The following PIBF1 variants were observed in gnomAD, a reference collection of about 807,000 sequenced individuals.
The protein encoded by PIBF1 is progesterone immunomodulatory binding factor 1, also known as progesterone-induced-blocking factor 1.
A neutral mutation model predicts 112.5 loss-of-function variants in PIBF1; 90 were observed. That is an observed-to-expected ratio of 0.80 (90% confidence interval 0.67 to 0.95). PIBF1 has a LOEUF of 0.95. Among genes scored for constraint, PIBF1 ranks in the 40% least tolerant of loss-of-function variants. The pLI is 0.00. For synonymous variants in PIBF1, 301 were observed against 288.6 expected, an observed-to-expected ratio of 1.04 and a Z score of -0.44; for missense variants, 915 against 852.3, an observed-to-expected ratio of 1.07 and a Z score of -0.92.
At chr13:72,887,906 A>C (rs2039918770) in intron 10 of PIBF1, among the ~76,000 whole-genome samples, 2 of 152,162 alleles carry the variant, frequency 1.3e-5, no homozygotes, top group South Asian at 4.1e-4. Flanking sequence ...ACACATCAGA[A>C]TATATGGACA....
intron 5 of PIBF1, among the ~76,000 whole-genome samples, chr13:72,808,245 A>T (rs937449582): frequency 6.6e-6 from 1 of 152,056 alleles, no homozygotes; most frequent in African/African-American, 2.4e-5. Context: ...CTATTTGTTT[A>T]CTTATTATGA....
chr13:72,787,814 A>ATGT (rs2034683512), intron 2 of PIBF1, among the ~76,000 whole-genome samples: 1 of 152,148 alleles, frequency 6.6e-6, no homozygotes, highest in East Asian at 1.9e-4. Context: ...CCGTGCCACA[A>ATGT]CGCCCAGCTA....
intron 14 of PIBF1, among the ~76,000 whole-genome samples, chr13:72,931,562 C>T (rs2041697239): frequency 6.6e-6 from 1 of 151,762 alleles, no homozygotes; most frequent in Admixed American, 6.6e-5. Context: ...ACTTTGGTGA[C>T]ATTTTAAGTT....
At chr13:72,885,334 A>C (rs897113423) in intron 10 of PIBF1, among the ~76,000 whole-genome samples, 2 of 152,008 alleles carry the variant, frequency 1.3e-5, no homozygotes, top group African/African-American at 2.4e-5. Context: ...ATCTTAATTC[A>C]CTGGTTTTTT....
intron 10 of PIBF1, among the ~76,000 whole-genome samples, chr13:72,873,264 A>G (rs902852611): frequency 2.6e-5 from 4 of 152,238 alleles, no homozygotes; most frequent in African/African-American, 9.6e-5. Flanking sequence ...TACTTCATAC[A>G]TACAAAAATT....
intron 15 of PIBF1, 105 bp downstream of exon 15, chr13:72,965,509 T>G (rs2042717969): frequency 3.5e-6 from 3 of 854,014 alleles, no homozygotes; most frequent in Admixed American, 2.9e-5. Context: ...ATTTAAATAA[T>G]GAAGGTGTCT....
At chr13:72,987,846 ATTTATTTATTTAT>A (rs1424496774) in intron 16 of PIBF1, among the ~76,000 whole-genome samples, 2 of 66,780 alleles carry the variant, frequency 3.0e-5, no homozygotes, top group Non-Finnish European at 5.1e-5. Flanking sequence ...TAATTTATTT[ATTTATTTATTTAT>A]TTTTTTTTTT....
chr13:72,789,922 G>A (rs1346192723), intron 2 of PIBF1, among the ~76,000 whole-genome samples: 2 of 151,994 alleles, frequency 1.3e-5, no homozygotes, highest in Admixed American at 1.3e-4. Flanking sequence ...TCTTGATTTG[G>A]GAAACAGTAA....
intron 16 of PIBF1, among the ~76,000 whole-genome samples, chr13:72,986,676 C>CT (rs765529786): frequency 0.019 from 1,713 of 88,946 alleles, 10 homozygotes; most frequent in Non-Finnish European, 0.026. Flanking sequence ...TTTCTGTCAT[C>CT]TTTTTTTTTT....
At chr13:72,808,174 A>C (rs1289186424) in intron 5 of PIBF1, among the ~76,000 whole-genome samples, 1 of 152,152 alleles carries the variant, frequency 6.6e-6, no homozygotes, top group Non-Finnish European at 1.5e-5. Flanking sequence ...GTAAGTACTT[A>C]AGTGTGGAAT....
chr13:72,931,289 A>G lies in PIBF1; in HGVS notation c.1833+22A>G, dbSNP rs754350152. The G allele has an allele frequency of 2.3e-6, 3 of 1,328,850 alleles. No individual in the cohort carries two copies. In the African/African-American group the frequency reaches 4.4e-5, roughly 19 times the overall value. 82.3% of individuals were successfully genotyped at this position (1,328,850 alleles called of 1,614,324 possible). A position where few individuals can be genotyped will look rare whatever the true frequency, so the allele number is the denominator to read the frequency against. ...AGAGGTAAATAACTTAAAGAAACCCATATGAAGAATCACAGTATTCATTTT... is the reference window on the plus strand; with the variant it reads ...AGAGGTAAATAACTTAAAGAAACCCGTATGAAGAATCACAGTATTCATTTT... On this transcript the variant is annotated intron_variant, in intron 14 of 17. Coordinates refer to ENST00000326291, the MANE Select transcript of PIBF1 (RefSeq NM_006346.4).
Position 72,923,160 on chromosome 13 carries a change from A to G in PIBF1, c.1730+5994A>G, listed in dbSNP as rs118117212. ...AGTTTTGGTAATAGTAAGACACCGTACCAATACTGAAGAACCCAGAACAGA... is the reference window on the plus strand; with the variant it reads ...AGTTTTGGTAATAGTAAGACACCGTGCCAATACTGAAGAACCCAGAACAGA... On this transcript the variant is annotated intron_variant, in intron 13 of 17. Transcript: ENST00000326291. 8.9e-4 allele frequency among the ~76,000 whole-genome samples: 135 copies of G among 152,344 alleles called. 1 individual carries two copies. The East Asian group carries it at 0.022, about 25-fold the overall frequency.
At chr13:72,925,501 G>T (rs1323976723) in intron 13 of PIBF1, among the ~76,000 whole-genome samples, 1 of 148,860 alleles carries the variant, frequency 6.7e-6, no homozygotes, top group Non-Finnish European at 1.5e-5. Context: ...CCATTCTGCA[G>T]ATTGTCTTTT....
chr13:72,860,947 T>C (rs1240644701), intron 10 of PIBF1, among the ~76,000 whole-genome samples: 2 of 152,216 alleles, frequency 1.3e-5, no homozygotes, highest in East Asian at 3.8e-4. Flanking sequence ...TCCCTGCATG[T>C]ACTCCTAAGA....
intron 10 of PIBF1, among the ~76,000 whole-genome samples, chr13:72,878,926 AC>A (rs1284666342): frequency 6.6e-6 from 1 of 151,700 alleles, no homozygotes; most frequent in Admixed American, 6.6e-5. Flanking sequence ...AATGCAAGCT[AC>A]TCCCAGTTTC....
rs148019596 is a variant in PIBF1 at position 72,928,482 on chromosome 13, C to G, written c.1731-2683C>G. On this transcript the variant is annotated intron_variant, in intron 13 of 17. Transcript: ENST00000326291. ...GAGATGAAGTCTTGCTCTTGTCCCC[C>G]AGGCTGGAGTGTGATGGCACCATCT... Among the ~76,000 whole-genome samples, 815 of 152,234 alleles carry G rather than the reference C, an allele frequency of 5.4e-3. 15 individuals are homozygous for G. Among genetic ancestry groups the G allele is most frequent in the African/African-American group, 0.018 (764 of 41,550 alleles).
chr13:73,013,358 GGAAGA>G (rs1173440177), intron 17 of PIBF1, among the ~76,000 whole-genome samples: 1 of 139,358 alleles, frequency 7.2e-6, no homozygotes, highest in African/African-American at 2.8e-5. Context: ...AAGAAAGAAA[GGAAGA>G]GAAGAAATAT....
At chr13:72,846,615 A>G (rs1411201751) in intron 9 of PIBF1, among the ~76,000 whole-genome samples, 15 of 152,126 alleles carry the variant, frequency 9.9e-5, no homozygotes, top group Admixed American at 6.5e-5. Context: ...GGTCACTCGC[A>G]TAGTTATGCT....
chr13:72,822,046 G>A, intron 6 of PIBF1, 64 bp downstream of exon 6: 1 of 1,401,742 alleles, frequency 7.1e-7, no homozygotes, highest in Non-Finnish European at 9.7e-7. Flanking sequence ...AGTCACCTGA[G>A]TTTTTACCAA....
Sources: allele counts gnomAD v4.1 joint callset (sites outside exome capture counted in the v4.1 genomes callset), GRCh38; gene constraint gnomAD v4.1.1; transcripts MANE v1.5; gene names NCBI Gene and HGNC (gene_info 2026-07-23, HGNC 2026-07-21).